Variants in USP49 observed in about 807,000 individuals in gnomAD.
USP49 encodes ubiquitin specific peptidase 49.
A neutral mutation model predicts 58.6 loss-of-function variants in USP49; 24 were observed. That is an observed-to-expected ratio of 0.41 (90% confidence interval 0.30 to 0.58). USP49 has a LOEUF of 0.58. USP49 is among the 20% of genes least tolerant of loss of function. USP49 has a pLI of 0.30. For synonymous variants in USP49, 408 were observed against 365.1 expected (o/e 1.12, Z -1.34); for missense variants, 703 against 866.1 (o/e 0.81, Z 2.36).
At chr6:41,890,216 A>G (rs1229926130) in intron 2 of USP49, among the ~76,000 whole-genome samples, 3 of 152,040 alleles carry the variant, frequency 2.0e-5, no homozygotes, top group Admixed American at 2.0e-4. Flanking sequence ...CGTCTCTACT[A>G]AAAATACAAA....
intron 4 of USP49, 125 bp from the exon 5 acceptor site, chr6:41,804,135 T>A: frequency 1.4e-6 from 1 of 728,812 alleles, no homozygotes; most frequent in Non-Finnish European, 2.2e-6. Context: ...ATAGTAATAT[T>A]AAAATAATAA....
chr6:41,816,702 C>CTATTATTATTAT lies in USP49; in HGVS notation c.-28-9703_-28-9692dup, dbSNP rs10631115. 1.4e-3 allele frequency among the ~76,000 whole-genome samples: 212 copies of CTATTATTATTAT among 149,636 alleles called. 1 individual carries two copies. Among genetic ancestry groups the CTATTATTATTAT allele is most frequent in the African/African-American group, 4.5e-3 (183 of 40,706 alleles). ...GTGTACTCACACAGAGTTCCACACT[C>CTATTATTATTAT]TATTATTATTATTATTATTTTATTT... is the stretch of plus-strand genomic sequence containing the variant. On this transcript the variant is annotated intron_variant, in intron 3 of 7. Transcript: ENST00000682992.
At chr6:41,881,448 C>A (rs992909264) in intron 2 of USP49, among the ~76,000 whole-genome samples, 2 of 151,432 alleles carry the variant, frequency 1.3e-5, no homozygotes, top group African/African-American at 4.9e-5. Flanking sequence ...CAAAAAGATT[C>A]TTGGAAAGGT....
rs561263520 is a variant in USP49 at position 41,804,162 on chromosome 6, A to T, written c.1357-152T>A. On this transcript the variant is annotated intron_variant, in intron 4 of 7. Coordinates refer to ENST00000682992, the MANE Select transcript of USP49 (RefSeq NM_001286554.2). Reference sequence around the variant, plus strand: ...AAATAATAAACATAACTTTAAAAGAATTAGAGTATATTATTTCTGATGTAC... The same window carrying T: ...AAATAATAAACATAACTTTAAAAGATTTAGAGTATATTATTTCTGATGTAC... The T allele has an allele frequency of 3.1e-5, 21 of 679,182 alleles. No individual in the cohort carries two copies. The South Asian group carries it at 4.6e-4, about 15-fold the overall frequency. 42.1% of individuals were successfully genotyped at this position (679,182 alleles called of 1,614,324 possible). A position where few individuals can be genotyped will look rare whatever the true frequency, so the allele number is the denominator to read the frequency against.
At chr6:41,849,474 T>C (rs1220757272) in intron 3 of USP49, among the ~76,000 whole-genome samples, 1 of 152,184 alleles carries the variant, frequency 6.6e-6, no homozygotes, top group Non-Finnish European at 1.5e-5. Flanking sequence ...TAGAGAACTC[T>C]ACCTAACAAC....
chr6:41,824,481 C>G (rs539991477), intron 3 of USP49, among the ~76,000 whole-genome samples: 4 of 151,400 alleles, frequency 2.6e-5, no homozygotes, highest in Admixed American at 6.6e-5. Context: ...GAGGCCGAGG[C>G]GGGCAGATCA....
Position 41,876,191 on chromosome 6 carries a change from T to C in USP49, c.-102-4554A>G, listed in dbSNP as rs1179122031. Among the ~76,000 whole-genome samples, 5 of 152,206 alleles carry C rather than the reference T, an allele frequency of 3.3e-5. No homozygotes were observed. The East Asian group carries it at 7.7e-4, about 23-fold the overall frequency. ...CGCACATCCCCTCAGTGCCTCAAGA[T>C]AGCTGTGAAAGCAGGCAAGGCAGTC... On this transcript the variant is annotated intron_variant, in intron 2 of 7. Coordinates refer to ENST00000682992, the MANE Select transcript of USP49 (RefSeq NM_001286554.2).
chr6:41,883,647 T>A (rs970939313), intron 2 of USP49, among the ~76,000 whole-genome samples: 53 of 149,980 alleles, frequency 3.5e-4, no homozygotes, highest in African/African-American at 1.1e-3. Context: ...AATAAATAAA[T>A]AAAATAAAAA....
At chr6:41,810,142 A>T (rs1225770015) in intron 3 of USP49, among the ~76,000 whole-genome samples, 1 of 150,912 alleles carries the variant, frequency 6.6e-6, no homozygotes, top group Non-Finnish European at 1.5e-5. Flanking sequence ...ACAGAGCAAG[A>T]CTCCGTCTCA....
intron 3 of USP49, among the ~76,000 whole-genome samples, chr6:41,833,719 A>G (rs779230223): frequency 1.8e-4 from 27 of 152,330 alleles, no homozygotes; most frequent in Admixed American, 1.3e-4. Context: ...TTATCACAGC[A>G]TGTGTGTAAG....
At chr6:41,890,416 A>G (rs1774792399) in intron 2 of USP49, among the ~76,000 whole-genome samples, 1 of 151,666 alleles carries the variant, frequency 6.6e-6, no homozygotes, top group Admixed American at 6.6e-5. Context: ...TACTTAACCA[A>G]TTAAAGTATT....
At chr6:41,808,442 GCT>G (rs1390331234) in intron 3 of USP49, among the ~76,000 whole-genome samples, 2 of 129,532 alleles carry the variant, frequency 1.5e-5, no homozygotes, top group African/African-American at 3.0e-5. Context: ...ATGGAGTCTC[GCT>G]CTGTCACCAG....
rs181397550 is a variant in USP49, at chr6:41,862,999, A to G, written c.-29+8565T>C. ...GCCAGGTTGGCTGGGCTGGTCTCGA[A>G]CTCTTAGCCTCAAGCAATCCGCCCA... On this transcript the variant is annotated intron_variant, in intron 3 of 7. Transcript: ENST00000682992. Among the ~76,000 whole-genome samples, 14 of 152,100 alleles carry G rather than the reference A, an allele frequency of 9.2e-5. 1 individual carries two copies. Among genetic ancestry groups the G allele is most frequent in the Admixed American group, 5.9e-4 (9 of 15,262 alleles).
At position 41,805,991 on chromosome 6, in the gene USP49, G is replaced by A. The variant is rs146116518; in HGVS notation, c.993C>T (p.Cys331=). ...RAEACEREGF[C]WNGRASISRS... ...GACTAATGGAGGCCCTGCCGTTCCAGCAGAAGCCCTCCCGCTCGCATGCCT... is the reference window on the plus strand; with the variant it reads ...GACTAATGGAGGCCCTGCCGTTCCAACAGAAGCCCTCCCGCTCGCATGCCT... The change falls in exon 4 of 8, where the codon TGC becomes TGT. Residue 331 remains cysteine, a synonymous_variant. Coordinates refer to ENST00000682992, the MANE Select transcript of USP49 (RefSeq NM_001286554.2). The A allele has an allele frequency of 1.0e-4, 162 of 1,613,914 alleles. 1 individual carries two copies. The African/African-American group carries it at 1.7e-3, about 17-fold the overall frequency.
Position 41,806,696 on chromosome 6 carries a change from T to G in USP49, c.288A>C (p.Arg96Ser), listed in dbSNP as rs937247494. 2.5e-6 allele frequency: 4 copies of G among 1,614,104 alleles called. No homozygotes were observed. The African/African-American group carries it at 5.3e-5, about 22-fold the overall frequency. The change falls in exon 4 of 8, where the codon AGA becomes AGC. Residue 96 changes from arginine to serine, a missense_variant. This residue lies in a region of USP49 where 376 missense variants were observed against 373.5 expected (regional missense o/e 1.01). Transcript: ENST00000682992. This position sits in a 1 kb window ranked among gnomAD's most constrained non-coding sequence, Gnocchi z 5.9. ...GGCCCCGGACCGCCAGGAGGGAGCT[T>G]CTTAGCAGCTTCAGGTCCCCCTCTG... ...DNPEGDLKLL[R>S]SSLLAVRGQK...
At chr6:41,850,193 A>C (rs887952026) in intron 3 of USP49, among the ~76,000 whole-genome samples, 2 of 152,158 alleles carry the variant, frequency 1.3e-5, no homozygotes, top group African/African-American at 2.4e-5. Flanking sequence ...CCGTAATCTC[A>C]GCACTTTGGG....
At chr6:41,839,548 C>A (rs897119293) in intron 3 of USP49, among the ~76,000 whole-genome samples, 11 of 145,600 alleles carry the variant, frequency 7.6e-5, no homozygotes, top group Non-Finnish European at 1.7e-4. Context: ...CAGAACAGAC[C>A]TAAAATAAAT....
intron 3 of USP49, among the ~76,000 whole-genome samples, chr6:41,834,865 T>A (rs949782156): frequency 6.6e-6 from 1 of 152,224 alleles, no homozygotes; most frequent in African/African-American, 2.4e-5. Flanking sequence ...CAGTAAGTAT[T>A]CTCAAGAACA....
chr6:41,818,134 A>G (rs1187968313), intron 3 of USP49, among the ~76,000 whole-genome samples: 1 of 152,154 alleles, frequency 6.6e-6, no homozygotes, highest in Non-Finnish European at 1.5e-5. Flanking sequence ...GGTGTTAAGG[A>G]GATGCCACCT....
Sources: gnomAD v4.1 joint callset for allele counts (sites outside exome capture counted in the v4.1 genomes callset) on GRCh38, gnomAD v4.1.1 for gene constraint, gnomAD v4.1.1 regional missense constraint, Gnocchi (gnomAD v3.1) non-coding constraint, MANE v1.5 for transcripts, NCBI Gene and HGNC (gene_info 2026-07-23, HGNC 2026-07-21) for gene names.